The following PTPRD variants were observed in gnomAD, a reference collection of about 807,000 sequenced individuals.
The protein encoded by PTPRD is receptor-type tyrosine-protein phosphatase delta.
A neutral mutation model predicts 214.5 loss-of-function variants in PTPRD; 34 were observed. The ratio of observed to expected loss-of-function variants is 0.16; its 90% CI spans 0.12 to 0.21. The LOEUF is 0.21. Ranked by LOEUF, PTPRD falls within the 10% of genes least tolerant of loss-of-function variation. The pLI is 1.00. For synonymous variants in PTPRD, 1,128 were observed against 845.7 expected (o/e 1.33, Z -5.79); for missense variants, 2,545 against 2,398.7 (o/e 1.06, Z -1.27).
chr9:10,155,628 T>C (rs1217578227), intron 3 of PTPRD, among the ~76,000 whole-genome samples: 1 of 152,156 alleles, frequency 6.6e-6, no homozygotes, highest in Non-Finnish European at 1.5e-5. Context: ...TCTTCAATAC[T>C]ACATGTTTGA....
At chr9:9,513,415 T>C (rs1410458567) in intron 8 of PTPRD, among the ~76,000 whole-genome samples, 3 of 151,994 alleles carry the variant, frequency 2.0e-5, no homozygotes, top group African/African-American at 4.8e-5. Flanking sequence ...AAAGGGGATG[T>C]TTTTACTCAT....
chr9:9,892,267 G>A (rs1025480464), intron 5 of PTPRD, among the ~76,000 whole-genome samples: 2 of 152,038 alleles, frequency 1.3e-5, no homozygotes, highest in Admixed American at 6.6e-5. Context: ...GCCAGATAAG[G>A]CCTTATAGAG....
chr9:8,351,741 GTAAAAAAAAAA>G (rs761850483), intron 39 of PTPRD, among the ~76,000 whole-genome samples: 1 of 24,742 alleles, frequency 4.0e-5, no homozygotes, highest in African/African-American at 2.1e-4. Context: ...TTGGCAAAGA[GTAAAAAAAAAA>G]AAAAAAAAAA....
chr9:9,836,988 T>C lies in PTPRD; in HGVS notation c.-367-70137A>G, dbSNP rs556084105. 1.4e-3 allele frequency among the ~76,000 whole-genome samples: 215 copies of C among 152,298 alleles called. 1 individual carries two copies. Among genetic ancestry groups the C allele is most frequent in the African/African-American group, 4.7e-3 (196 of 41,566 alleles). On this transcript the variant is annotated intron_variant, in intron 5 of 45. Coordinates refer to ENST00000381196, the MANE Select transcript of PTPRD (RefSeq NM_002839.4). ...AAGCCTCACCTATGTGTGGTATTAA[T>C]TGAAGATAAACATAAGTGAATGCAT...
chr9:9,824,107 A>G lies in PTPRD; in HGVS notation c.-367-57256T>C, dbSNP rs572964393. On this transcript the variant is annotated intron_variant, in intron 5 of 45. Coordinates refer to ENST00000381196, the MANE Select transcript of PTPRD (RefSeq NM_002839.4). ...AAATTATCTTCAGTCTATAAAGCATATAAGAATGATAAATGAATTTTTTGT... is the reference window on the plus strand; with the variant it reads ...AAATTATCTTCAGTCTATAAAGCATGTAAGAATGATAAATGAATTTTTTGT... 1.3e-4 allele frequency among the ~76,000 whole-genome samples: 20 copies of G among 152,160 alleles called. No homozygotes were observed. The South Asian group carries it at 2.9e-3, about 22-fold the overall frequency.
At chr9:9,454,414 G>A (rs2092695879) in intron 8 of PTPRD, among the ~76,000 whole-genome samples, 1 of 151,656 alleles carries the variant, frequency 6.6e-6, no homozygotes, top group Admixed American at 6.6e-5. Context: ...GTTATAAAAT[G>A]GCTATGGTTC....
At chr9:10,191,505 C>T (rs2099363436) in intron 3 of PTPRD, among the ~76,000 whole-genome samples, 1 of 152,062 alleles carries the variant, frequency 6.6e-6, no homozygotes, top group Non-Finnish European at 1.5e-5. Flanking sequence ...GAAAAAATGC[C>T]TGCAATTTCC....
chr9:9,249,816 A>G (rs2131509331), intron 9 of PTPRD, among the ~76,000 whole-genome samples: 1 of 152,228 alleles, frequency 6.6e-6, no homozygotes, highest in South Asian at 2.1e-4. Flanking sequence ...TTATACTGAA[A>G]GACTGAACTG....
chr9:8,485,823 C>T lies in PTPRD; in HGVS notation c.2994G>A (p.Thr998=), dbSNP rs1348950329. 5 of 1,613,904 alleles carry T rather than the reference C, an allele frequency of 3.1e-6. No individual in the cohort carries two copies. In the South Asian group the frequency reaches 3.3e-5, roughly 11 times the overall value. Residue 998 remains threonine, a synonymous_variant, in exon 28 of 46, where the codon ACG becomes ACA. Coordinates refer to ENST00000381196, the MANE Select transcript of PTPRD (RefSeq NM_002839.4). ...GACTATATGGCCCGGGCCCTTTGCT[C>T]GTATGAGCACGTACTTTTACATCGT... The part of the protein sequence containing the change: ...TTYDVKVRAH[T]SKGPGPYSPS...
At chr9:10,157,145 T>C (rs1220126246) in intron 3 of PTPRD, among the ~76,000 whole-genome samples, 1 of 152,196 alleles carries the variant, frequency 6.6e-6, no homozygotes, top group African/African-American at 2.4e-5. Context: ...AGTTTAGTAT[T>C]GATACATGTG....
intron 5 of PTPRD, among the ~76,000 whole-genome samples, chr9:9,920,433 CATA>C (rs1203143112): frequency 2.0e-5 from 3 of 152,072 alleles, no homozygotes; most frequent in Non-Finnish European, 2.9e-5. Context: ...TGTTGAAAAA[CATA>C]ATAAGGTCAC....
At chr9:8,425,345 C>A (rs924795577) in intron 35 of PTPRD, among the ~76,000 whole-genome samples, 1 of 152,120 alleles carries the variant, frequency 6.6e-6, no homozygotes, top group Non-Finnish European at 1.5e-5. Context: ...CATGACTTTT[C>A]TGAACATTTT....
At chr9:8,604,853 A>G (rs2095109302) in intron 14 of PTPRD, among the ~76,000 whole-genome samples, 1 of 152,114 alleles carries the variant, frequency 6.6e-6, no homozygotes, top group Admixed American at 6.5e-5. Context: ...TGGGAGAGAA[A>G]ATAAGGTCAT....
intron 3 of PTPRD, among the ~76,000 whole-genome samples, chr9:10,053,465 T>C (rs895783938): frequency 1.7e-4 from 26 of 152,270 alleles, no homozygotes; most frequent in Admixed American, 8.5e-4. Flanking sequence ...TGAAATGTGA[T>C]GTATTGTAAC....
intron 2 of PTPRD, among the ~76,000 whole-genome samples, chr9:10,378,413 C>T (rs2154481358): frequency 6.6e-6 from 1 of 152,078 alleles, no homozygotes; most frequent in South Asian, 2.1e-4. Context: ...AAGTTTTCCA[C>T]AATGTTTAAT....
chr9:8,649,484 C>T (rs1176710257), intron 12 of PTPRD, among the ~76,000 whole-genome samples: 1 of 152,208 alleles, frequency 6.6e-6, no homozygotes, highest in Non-Finnish European at 1.5e-5. Flanking sequence ...GCTACTATAT[C>T]CCCAAAGTAG....
At chr9:9,850,174 T>C (rs562922404) in intron 5 of PTPRD, among the ~76,000 whole-genome samples, 2 of 152,256 alleles carry the variant, frequency 1.3e-5, no homozygotes, top group South Asian at 4.1e-4. Flanking sequence ...TCTTCAAGGA[T>C]GTAAAAAGCT....
chr9:8,917,810 G>A (rs1003660080), intron 11 of PTPRD, among the ~76,000 whole-genome samples: 1 of 152,162 alleles, frequency 6.6e-6, no homozygotes, highest in Non-Finnish European at 1.5e-5. Context: ...GCATGATTCA[G>A]ACCTCAAGGT....
chr9:9,956,016 A>T (rs7044854), intron 4 of PTPRD, among the ~76,000 whole-genome samples: 1 of 151,902 alleles, frequency 6.6e-6, no homozygotes, highest in Non-Finnish European at 1.5e-5. Flanking sequence ...GGCAGGCCAC[A>T]TTTATTTGCA....
Sources: gnomAD v4.1 joint callset for allele counts (sites outside exome capture counted in the v4.1 genomes callset) on GRCh38, gnomAD v4.1.1 for gene constraint, MANE v1.5 for transcripts, NCBI Gene and HGNC (gene_info 2026-07-23, HGNC 2026-07-21) for gene names.